The following PSD4 variants were observed in gnomAD, a reference collection of about 807,000 sequenced individuals.
PSD4 encodes the protein pleckstrin and Sec7 domain containing 4, also known as PH and SEC7 domain-containing protein 4.
In PSD4, 59 loss-of-function variants were observed where a neutral mutation model predicts 112.5. The ratio of observed to expected loss-of-function variants is 0.52; its 90% confidence interval spans 0.43 to 0.65. The LOEUF (loss-of-function observed/expected upper bound fraction) is 0.65, where lower values mean the gene tolerates loss of function less well. Among genes scored for constraint, PSD4 ranks in the 30% least tolerant of loss-of-function variants. The pLI is 0.00. For missense variants in PSD4, 1,267 were observed against 1,352.6 expected (o/e 0.94, Z 0.99); for synonymous variants, 533 against 540.0 (o/e 0.99, Z 0.18).
rs1363369818 is a variant in PSD4, at chr2:113,185,962, G to T, written c.1335G>T (p.Glu445Asp). 9 of 1,613,974 alleles carry T rather than the reference G, an allele frequency of 5.6e-6. No homozygotes were observed. The highest frequency in any genetic ancestry group is 7.6e-6 in the Non-Finnish European group (9 of 1,179,954). Reference sequence around the variant, plus strand: ...GGAGGAGCCCAGCTTCTTCTCCAGAGCCTAGCAGCCCAGAATCTGAGAGCA... The same window carrying T: ...GGAGGAGCCCAGCTTCTTCTCCAGATCCTAGCAGCCCAGAATCTGAGAGCA... ...CPWRSPASSP[E>D]PSSPESESRG... Residue 445 changes from glutamate (E) to aspartate (D), a missense_variant, in exon 5 of 17, where the codon GAG becomes GAT. Glu to Asp is a conservative substitution (Grantham distance 45, BLOSUM62 2). Transcript: ENST00000245796.
intron 3 of PSD4, 53 bp downstream of exon 3, chr2:113,185,126 T>C: frequency 6.2e-7 from 1 of 1,612,138 alleles, no homozygotes; most frequent in South Asian, 1.1e-5. Context: ...GGAGGAGGAA[T>C]ATGAGCCCAT....
chr2:113,193,387 C>A lies in PSD4; in HGVS notation c.2032+17C>A. ...CCTCAGTAGGTAGGGAGGGGCTGGC[C>A]CTGACAGCAAAGCAGGGAAACTTTG... is the stretch of plus-strand genomic sequence containing the variant. On this transcript the variant is annotated intron_variant, in intron 8 of 16. Transcript: ENST00000245796. 1 of 1,606,850 alleles carries A rather than the reference C, an allele frequency of 6.2e-7. No individual in the cohort carries two copies. The highest frequency in any genetic ancestry group is 2.2e-5 in the East Asian group (1 of 44,818).
intron 3 of PSD4, 109 bp from the exon 4 acceptor site, chr2:113,185,256 A>G: frequency 6.5e-7 from 1 of 1,547,664 alleles, no homozygotes; most frequent in Non-Finnish European, 8.8e-7. Flanking sequence ...CTGCCTACTC[A>G]TGGCATCCTT....
chr2:113,186,330 G>A (rs1452250029), intron 5 of PSD4, 75 bp downstream of exon 5: 70 of 1,430,944 alleles, frequency 4.9e-5, no homozygotes, highest in Non-Finnish European at 6.6e-5. Flanking sequence ...TGGATGGAGG[G>A]TGAGAAATGC....
intron 15 of PSD4, 28 bp downstream of exon 15, chr2:113,198,912 CG>C: frequency 6.4e-7 from 1 of 1,551,942 alleles, no homozygotes; most frequent in Admixed American, 1.9e-5. Flanking sequence ...GGGTGGGGTC[CG>C]GCGGAACTGG....
At chr2:113,181,400 G>T (rs1558886027) in intron 1 of PSD4, among the ~76,000 whole-genome samples, 1 of 152,204 alleles carries the variant, frequency 6.6e-6, no homozygotes, top group Non-Finnish European at 1.5e-5. Flanking sequence ...GAGGAAGCAG[G>T]GCTGCTCTGA....
intron 5 of PSD4, among the ~76,000 whole-genome samples, chr2:113,191,663 A>T (rs1213514590): frequency 6.6e-6 from 1 of 152,208 alleles, no homozygotes; most frequent in Non-Finnish European, 1.5e-5. Context: ...TAACTGGAAT[A>T]CCCCACACTT....
intron 5 of PSD4, among the ~76,000 whole-genome samples, chr2:113,186,992 T>C (rs1688317944): frequency 6.6e-6 from 1 of 152,222 alleles, no homozygotes; most frequent in Admixed American, 6.5e-5. Flanking sequence ...GTCATGGACC[T>C]AATGGTGCAG....
Position 113,204,981 on chromosome 2 carries a change from T to G in PSD4, c.*3566T>G, listed in dbSNP as rs1439909149. On this transcript the variant is annotated 3_prime_UTR_variant, in exon 17 of 17. Coordinates refer to ENST00000245796, the MANE Select transcript of PSD4 (RefSeq NM_012455.3). The stretch of plus-strand genomic sequence containing the variant: ...GAATGTGCAGTGCAACTTTTTTTTT[T>G]TTTTGAGACAGAGTCTCGCTCTGTT... The G allele has an allele frequency of 6.6e-6, 1 of 152,156 alleles. No homozygotes were observed. Among genetic ancestry groups the G allele is most frequent in the Non-Finnish European group, 1.5e-5 (1 of 68,260 alleles). The allele number at this position is 152,156 out of a possible 1,614,324, so 9.4% of individuals were successfully genotyped here.
intron 11 of PSD4, 28 bp from the exon 12 acceptor site, chr2:113,196,119 A>G (rs1688602439): frequency 6.3e-7 from 1 of 1,595,648 alleles, no homozygotes; most frequent in African/African-American, 1.3e-5. Context: ...CATAGTCAGC[A>G]CTTCCAGCCC....
rs1688196363 is a variant in PSD4, at chr2:113,183,119, G to C, written c.663G>C (p.Glu221Asp). 1 of 1,613,832 alleles carries C rather than the reference G, an allele frequency of 6.2e-7. No individual in the cohort carries two copies. The highest frequency in any genetic ancestry group is 1.1e-5 in the South Asian group (1 of 91,070). ...SGEDSSEPEG[E>D]GQAWLREGTP... ...AAGACAGCAGTGAGCCTGAGGGAGA[G>C]GGCCAGGCATGGCTGAGAGAGGGAA... Residue 221 changes from glutamate (E) to aspartate (D), a missense_variant, in exon 2 of 17, where the codon GAG becomes GAC. Physicochemically the swap from Glu to Asp is conservative, Grantham distance 45 (BLOSUM62 2). Around this residue, in one of 2 missense-constraint regions of PSD4, gnomAD observed 723 missense variants for 704.0 expected, o/e 1.03. Coordinates refer to ENST00000245796, the MANE Select transcript of PSD4 (RefSeq NM_012455.3).
chr2:113,192,670 C>A lies in PSD4; in HGVS notation c.1838+81C>A. 23 of 1,412,500 alleles carry A rather than the reference C, an allele frequency of 1.6e-5. No homozygotes were observed. The South Asian group carries it at 2.4e-4, about 15-fold the overall frequency. The allele number at this position is 1,412,500 out of a possible 1,614,324, so 87.5% of individuals were successfully genotyped here. On this transcript the variant is annotated intron_variant, in intron 6 of 16. Transcript: ENST00000245796. ...GCTGAAGGGCTCCCTCCACTGGCCA[C>A]CCTCCCCTTCCCGTCCCTGCCCTGT...
At position 113,204,483 on chromosome 2, in the gene PSD4, C is replaced by T. The variant is rs1688837469; in HGVS notation, c.*3068C>T. 1 of 152,424 alleles carries T rather than the reference C, an allele frequency of 6.6e-6. No homozygotes were observed. Among genetic ancestry groups the T allele is most frequent in the African/African-American group, 2.4e-5 (1 of 41,474 alleles). The allele number at this position is 152,424 out of a possible 1,614,324, so 9.4% of individuals were successfully genotyped here. A position where few individuals can be genotyped will look rare whatever the true frequency, so the allele number is the denominator to read the frequency against. The stretch of plus-strand genomic sequence containing the variant: ...CCTATGTCTGACCTTGTTCCCACCC[C>T]ATGCTCCTCTCCCACCTGTGTCCTT... On this transcript the variant is annotated 3_prime_UTR_variant, in exon 17 of 17. Transcript: ENST00000245796.
intron 7 of PSD4, 27 bp downstream of exon 7, chr2:113,193,155 A>G: frequency 1.2e-6 from 2 of 1,609,772 alleles, no homozygotes; most frequent in East Asian, 4.5e-5. Context: ...CTCTCTGGGG[A>G]GGCTGTGGAG....
rs1483513579 is a variant in PSD4, at chr2:113,192,549, G to A, written c.1798G>A (p.Gly600Ser). ...NLASRLYRLE[G>S]FRKSEVAAYL... ...GGCCTCACGCCTCTATCGCCTGGAG[G>A]GCTTCCGGAAGTCTGAAGTGGCTGC... The change falls in exon 6 of 17, where the codon GGC (glycine) becomes AGC (serine). Residue 600 changes from glycine (G) to serine (S), a missense_variant. Physicochemically the swap from Gly to Ser is moderately conservative, Grantham distance 56 (BLOSUM62 0). Coordinates refer to ENST00000245796, the MANE Select transcript of PSD4 (RefSeq NM_012455.3). 2 of 1,614,212 alleles carry A rather than the reference G, an allele frequency of 1.2e-6. No homozygotes were observed. Among genetic ancestry groups the A allele is most frequent in the East Asian group, 4.5e-5 (2 of 44,878 alleles).
chr2:113,184,127 A>C (rs1014118259), intron 2 of PSD4, among the ~76,000 whole-genome samples: 1 of 152,214 alleles, frequency 6.6e-6, no homozygotes, highest in African/African-American at 2.4e-5. Context: ...CAGTTTTCCC[A>C]GGGAGGCCTC....
At chr2:113,174,761 C>A (rs1349826467) in intron 1 of PSD4, among the ~76,000 whole-genome samples, 3 of 152,098 alleles carry the variant, frequency 2.0e-5, no homozygotes, top group East Asian at 1.9e-4. Flanking sequence ...GAAACTAAGG[C>A]CCACTGTAGT....
In PSD4 at chr2:113,208,821, G is replaced by A. The variant is rs1688901228; in HGVS notation, c.*7406G>A. Reference sequence around the variant, plus strand: ...GTATTTCCTCTGAGCCTCTAGTCATGGTCATGGGCTAATCTGTATATGAAA... The same window carrying A: ...GTATTTCCTCTGAGCCTCTAGTCATAGTCATGGGCTAATCTGTATATGAAA... On this transcript the variant is annotated 3_prime_UTR_variant, in exon 17 of 17. Transcript: ENST00000245796. 6.6e-6 allele frequency: 1 copy of A among 152,212 alleles called. No individual in the cohort carries two copies. The highest frequency in any genetic ancestry group is 1.5e-5 in the Non-Finnish European group (1 of 68,048). 9.4% of individuals were successfully genotyped at this position (152,212 alleles called of 1,614,324 possible). A position where few individuals can be genotyped will look rare whatever the true frequency, so the allele number is the denominator to read the frequency against.
intron 6 of PSD4, 125 bp from the exon 7 acceptor site, chr2:113,192,923 C>A (rs1003742527): frequency 3.0e-5 from 27 of 912,122 alleles, no homozygotes; most frequent in Non-Finnish European, 3.7e-5. Flanking sequence ...CAAGGCCCAG[C>A]GTGCCTGCAC....
Sources: gnomAD v4.1 joint callset for allele counts (sites outside exome capture counted in the v4.1 genomes callset) on GRCh38, gnomAD v4.1.1 for gene constraint, gnomAD v4.1.1 regional missense constraint, MANE v1.5 for transcripts, NCBI Gene and HGNC (gene_info 2026-07-23, HGNC 2026-07-21) for gene names.